ARL15: variants seen among roughly 807,000 people sequenced by gnomAD.
ARL15 encodes ADP-ribosylation factor-like protein 15.
Under a neutral mutation model 25.2 loss-of-function variants are expected in ARL15, and 19 were observed. The ratio of observed to expected loss-of-function variants is 0.75; its 90% CI spans 0.53 to 1.10. The LOEUF is 1.10. Among genes scored for constraint, ARL15 ranks in the 50% least tolerant of loss-of-function variants. The probability of loss-of-function intolerance (pLI) is 0.00; values close to 1 mark genes in which losing one functional copy is unlikely to be tolerated. For missense variants in ARL15, 220 were observed against 246.0 expected (o/e 0.89, Z 0.71); for synonymous variants, 94 against 86.8 (o/e 1.08, Z -0.46).
chr5:54,110,056 T>C (rs1205296548), intron 4 of ARL15, among the ~76,000 whole-genome samples: 1 of 151,888 alleles, frequency 6.6e-6, no homozygotes, highest in African/African-American at 2.4e-5. Context: ...AAAGAAAAAA[T>C]ATGTAATGTA....
At chr5:54,264,492 G>A (rs1408057011) in intron 1 of ARL15, among the ~76,000 whole-genome samples, 1 of 152,080 alleles carries the variant, frequency 6.6e-6, no homozygotes, top group East Asian at 1.9e-4. Context: ...AAAACCCTAT[G>A]AGGTACCCCC....
chr5:53,929,489 T>C (rs566652180), intron 4 of ARL15, among the ~76,000 whole-genome samples: 2 of 152,254 alleles, frequency 1.3e-5, no homozygotes, highest in Non-Finnish European at 2.9e-5. Flanking sequence ...CCACTACCCA[T>C]GTATGCTAGC....
At chr5:54,050,960 A>C (rs1429143472) in intron 4 of ARL15, among the ~76,000 whole-genome samples, 3 of 152,234 alleles carry the variant, frequency 2.0e-5, no homozygotes, top group Non-Finnish European at 4.4e-5. Flanking sequence ...AAAGTAATTT[A>C]AACTGTAAGT....
intron 1 of ARL15, among the ~76,000 whole-genome samples, chr5:54,229,692 T>C (rs1756615847): frequency 6.6e-6 from 1 of 152,198 alleles, no homozygotes. Flanking sequence ...CTTAAGATTA[T>C]TGTTATTCGG....
chr5:54,215,530 A>T (rs1756171439), intron 1 of ARL15, among the ~76,000 whole-genome samples: 1 of 152,006 alleles, frequency 6.6e-6, no homozygotes, highest in South Asian at 2.1e-4. Context: ...CATACACATA[A>T]AAAATTCAAT....
intron 4 of ARL15, among the ~76,000 whole-genome samples, chr5:54,011,383 T>A (rs1177945395): frequency 6.6e-6 from 1 of 152,220 alleles, no homozygotes; most frequent in Non-Finnish European, 1.5e-5. Flanking sequence ...TTTCTTAAAA[T>A]GAGCACATTT....
intron 4 of ARL15, among the ~76,000 whole-genome samples, chr5:53,941,668 C>T (rs981665332): frequency 6.6e-6 from 1 of 152,162 alleles, no homozygotes; most frequent in Admixed American, 6.5e-5. Flanking sequence ...TTTGCCAGTC[C>T]ACTTCACATC....
At chr5:53,991,213 G>A (rs1748477709) in intron 4 of ARL15, among the ~76,000 whole-genome samples, 1 of 152,144 alleles carries the variant, frequency 6.6e-6, no homozygotes, top group Non-Finnish European at 1.5e-5. Context: ...CCGGGGCATG[G>A]TGTCTCTATT....
At chr5:54,227,803 A>C (rs965255924) in intron 1 of ARL15, among the ~76,000 whole-genome samples, 2 of 152,222 alleles carry the variant, frequency 1.3e-5, no homozygotes, top group Admixed American at 1.3e-4. Flanking sequence ...GAAGACAAGA[A>C]AACCCAGAGT....
intron 3 of ARL15, among the ~76,000 whole-genome samples, chr5:54,120,892 G>A (rs1306843799): frequency 6.6e-6 from 1 of 152,164 alleles, no homozygotes; most frequent in Non-Finnish European, 1.5e-5. Context: ...ATGCGGAAAT[G>A]CTACTGCTTT....
At chr5:53,924,055 T>C (rs1745941903) in intron 4 of ARL15, among the ~76,000 whole-genome samples, 1 of 152,220 alleles carries the variant, frequency 6.6e-6, no homozygotes, top group Non-Finnish European at 1.5e-5. Flanking sequence ...GTTCTCTTCC[T>C]GGCGTTAGAC....
intron 4 of ARL15, among the ~76,000 whole-genome samples, chr5:53,915,807 T>C (rs1031488288): frequency 6.6e-6 from 1 of 152,228 alleles, no homozygotes; most frequent in Non-Finnish European, 1.5e-5. Flanking sequence ...ATATTTTAAA[T>C]ATCATTGCAG....
chr5:54,189,702 G>A (rs548666115), intron 1 of ARL15, among the ~76,000 whole-genome samples: 3 of 151,880 alleles, frequency 2.0e-5, no homozygotes, highest in Non-Finnish European at 4.4e-5. Context: ...TAGAAACATA[G>A]AAAGTTTTTT....
chr5:54,211,467 C>CTTTTTT (rs57554255), intron 1 of ARL15, among the ~76,000 whole-genome samples: 15 of 119,610 alleles, frequency 1.3e-4, no homozygotes, highest in East Asian at 2.4e-4. Context: ...AAATGAAACA[C>CTTTTTT]TTTTTTTTTT....
chr5:54,300,374 A>G (rs2112710847), intron 1 of ARL15, among the ~76,000 whole-genome samples: 1 of 152,260 alleles, frequency 6.6e-6, no homozygotes, highest in South Asian at 2.1e-4. Context: ...CCAGGGGGCC[A>G]CCCTTGTCCA....
intron 4 of ARL15, among the ~76,000 whole-genome samples, chr5:53,954,152 G>A (rs924428486): frequency 1.3e-5 from 2 of 150,442 alleles, no homozygotes; most frequent in African/African-American, 2.4e-5. Flanking sequence ...ATTCCTCTAA[G>A]TGGTAGAATT....
At position 54,187,482 on chromosome 5, in the gene ARL15, AT is replaced by A. The variant is rs530822229; in HGVS notation, c.49-15555del. On this transcript the variant is annotated intron_variant, in intron 1 of 4. Transcript: ENST00000504924. ...AATTGAAGGACATAAAACAGAACAT[AT>A]TTATTCATCTTCCAATTCCACAGAC... Among the ~76,000 whole-genome samples the A allele has an allele frequency of 1.2e-3, 181 of 152,276 alleles. 1 individual carries two copies. The highest frequency in any genetic ancestry group is 4.2e-3 in the African/African-American group (176 of 41,560).
chr5:54,227,724 C>T (rs1261873294), intron 1 of ARL15, among the ~76,000 whole-genome samples: 1 of 152,236 alleles, frequency 6.6e-6, no homozygotes, highest in African/African-American at 2.4e-5. Flanking sequence ...TCACTTACAA[C>T]TGAAAGAAAA....
intron 4 of ARL15, among the ~76,000 whole-genome samples, chr5:54,000,617 T>C (rs146104312): frequency 6.6e-6 from 1 of 152,196 alleles, no homozygotes; most frequent in South Asian, 2.1e-4. Context: ...GCGGTACATA[T>C]AGTATCACTA....
Sources: gnomAD v4.1 joint callset for allele counts (sites outside exome capture counted in the v4.1 genomes callset) on GRCh38, gnomAD v4.1.1 for gene constraint, MANE v1.5 for transcripts, NCBI Gene and HGNC (gene_info 2026-07-23, HGNC 2026-07-21) for gene names.